The following ANTXR2 variants were observed in gnomAD, a reference collection of about 807,000 sequenced individuals.
ANTXR2 encodes the protein anthrax toxin receptor 2.
Under a neutral mutation model 73.7 loss-of-function variants are expected in ANTXR2, and 44 were observed. The observed-to-expected ratio is 0.60, with a 90% CI of 0.47 to 0.77. The LOEUF is 0.77. Ranked by LOEUF, ANTXR2 falls within the 30% of genes least tolerant of loss-of-function variation. The pLI is 0.00. For missense variants in ANTXR2, 604 were observed against 592.5 expected, an observed-to-expected ratio of 1.02 and a Z score of -0.20; for synonymous variants, 217 against 205.9, an observed-to-expected ratio of 1.05 and a Z score of -0.46.
chr4:79,930,694 T>G (rs1199450429), intron 16 of ANTXR2, among the ~76,000 whole-genome samples: 2 of 152,160 alleles, frequency 1.3e-5, no homozygotes, highest in East Asian at 3.9e-4. Context: ...CCCACTAACG[T>G]GTAGTACCCA....
intron 16 of ANTXR2, among the ~76,000 whole-genome samples, chr4:79,948,120 T>C (rs1728579851): frequency 6.6e-6 from 1 of 152,146 alleles, no homozygotes; most frequent in African/African-American, 2.4e-5. Context: ...ATGAGTACAT[T>C]AGGACTGAGT....
intron 7 of ANTXR2, among the ~76,000 whole-genome samples, chr4:80,036,403 C>A (rs1202631291): frequency 6.6e-6 from 1 of 152,002 alleles, no homozygotes; most frequent in Admixed American, 6.6e-5. Flanking sequence ...CAAATCAGAC[C>A]CCCTGTTTAG....
intron 14 of ANTXR2, 142 bp from the exon 15 acceptor site, chr4:79,978,316 T>G: frequency 4.5e-6 from 3 of 672,026 alleles, no homozygotes; most frequent in Non-Finnish European, 6.6e-6. Flanking sequence ...TTTCTCCTCT[T>G]CAGAGGCTAA....
At chr4:80,024,842 AG>A (rs1732350731) in intron 10 of ANTXR2, 1 of 288,238 alleles carries the variant, frequency 3.5e-6, no homozygotes, top group Non-Finnish European at 7.0e-6. Context: ...AGAAACAGCT[AG>A]GGTGAGAATA....
chr4:80,063,535 C>T (rs1194736825), intron 3 of ANTXR2, among the ~76,000 whole-genome samples: 3 of 151,952 alleles, frequency 2.0e-5, no homozygotes, highest in Non-Finnish European at 4.4e-5. Flanking sequence ...AATATCATGC[C>T]TAAGACAGTG....
intron 16 of ANTXR2, among the ~76,000 whole-genome samples, chr4:79,929,170 G>A (rs562930830): frequency 6.6e-6 from 1 of 152,104 alleles, no homozygotes; most frequent in South Asian, 2.1e-4. Flanking sequence ...CCACTACTGG[G>A]CTCACAGACT....
chr4:80,008,502 G>T lies in ANTXR2; in HGVS notation c.1041+19C>A. On this transcript the variant is annotated intron_variant, in intron 12 of 16. Transcript: ENST00000403729. ...TTTCTAATTTTTTTTAAGTAGAGTT[G>T]TAAATCCTTCTTACTCACCACTTTG... 6.4e-7 allele frequency: 1 copy of T among 1,573,816 alleles called. No homozygotes were observed. Among genetic ancestry groups the T allele is most frequent in the Non-Finnish European group, 8.7e-7 (1 of 1,150,510 alleles).
chr4:79,955,663 A>C (rs890006800), intron 16 of ANTXR2, among the ~76,000 whole-genome samples: 2 of 152,150 alleles, frequency 1.3e-5, no homozygotes, highest in African/African-American at 4.8e-5. Flanking sequence ...TTAAAAAAAC[A>C]AGACTGCTAG....
chr4:80,012,767 G>C (rs1352879904), intron 11 of ANTXR2, among the ~76,000 whole-genome samples: 1 of 152,144 alleles, frequency 6.6e-6, no homozygotes, highest in Admixed American at 6.5e-5. Flanking sequence ...GGACAGTAAG[G>C]ACTGAAACCA....
rs1726732702 is a variant in ANTXR2 at position 79,902,168 on chromosome 4, C to CTATGAA, written c.*5260_*5261insTTCATA. 1.6e-4 allele frequency: 24 copies of CTATGAA among 152,246 alleles called. No individual in the cohort carries two copies. Among genetic ancestry groups the CTATGAA allele is most frequent in the Non-Finnish European group, 3.1e-4 (21 of 68,006 alleles). 9.4% of individuals were successfully genotyped at this position (152,246 alleles called of 1,614,324 possible). On this transcript the variant is annotated 3_prime_UTR_variant, in exon 17 of 17. Coordinates refer to ENST00000403729, the MANE Select transcript of ANTXR2 (RefSeq NM_058172.6). The stretch of plus-strand genomic sequence containing the variant: ...CATTTACAATGTTGTAAATATAATT[C>CTATGAA]ATCTAAGATACAAATAACTTCATGG...
intron 16 of ANTXR2, among the ~76,000 whole-genome samples, chr4:79,925,057 T>C (rs1017945782): frequency 6.6e-6 from 1 of 152,150 alleles, no homozygotes; most frequent in African/African-American, 2.4e-5. Context: ...TCTAAATATG[T>C]ATCATTGTAT....
intron 16 of ANTXR2, among the ~76,000 whole-genome samples, chr4:79,931,832 T>G (rs1728070062): frequency 6.6e-6 from 1 of 152,222 alleles, no homozygotes; most frequent in African/African-American, 2.4e-5. Flanking sequence ...ATACTAAATG[T>G]GGATAATTTA....
intron 10 of ANTXR2, among the ~76,000 whole-genome samples, chr4:80,020,429 A>G (rs1732103382): frequency 6.6e-6 from 1 of 152,132 alleles, no homozygotes; most frequent in African/African-American, 2.4e-5. Context: ...TCCCAGAAAC[A>G]ATCTCAAGCT....
intron 16 of ANTXR2, among the ~76,000 whole-genome samples, chr4:79,963,671 AATG>A (rs1419653925): frequency 2.6e-5 from 4 of 152,126 alleles, no homozygotes; most frequent in South Asian, 2.1e-4. Flanking sequence ...AAATTTTACG[AATG>A]ATAATATTTT....
chr4:79,944,676 T>C (rs955105864), intron 16 of ANTXR2, among the ~76,000 whole-genome samples: 2 of 152,118 alleles, frequency 1.3e-5, no homozygotes, highest in Admixed American at 6.6e-5. Context: ...TTGGTACACA[T>C]ATATTTGTGA....
At chr4:80,047,297 A>C (rs1733563629) in intron 7 of ANTXR2, among the ~76,000 whole-genome samples, 1 of 151,526 alleles carries the variant, frequency 6.6e-6, no homozygotes, top group Non-Finnish European at 1.5e-5. Context: ...AAGATCAGTT[A>C]ATAAAATGAA....
chr4:80,054,295 C>G lies in ANTXR2; in HGVS notation c.613G>C (p.Ala205Pro), dbSNP rs781512521. Residue 205 changes from alanine to proline, a missense_variant, in exon 7 of 17, where the codon GCT (alanine) becomes CCT (proline). Coordinates refer to ENST00000403729, the MANE Select transcript of ANTXR2 (RefSeq NM_058172.6). ...QVFPVKGGFQ[A>P]LKGIINSILA... is the part of the protein sequence containing the mutation. ...ACAGAATTAATTATTCCTTTAAGAG[C>G]CTGAAATCCACCTTTGACAGGGAAA... 3.1e-6 allele frequency: 5 copies of G among 1,598,306 alleles called. No homozygotes were observed. The highest frequency in any genetic ancestry group is 4.3e-6 in the Non-Finnish European group (5 of 1,172,308).
intron 8 of ANTXR2, 26 bp downstream of exon 8, chr4:80,035,946 G>A (rs1732935372): frequency 6.7e-7 from 1 of 1,499,884 alleles, no homozygotes; most frequent in Admixed American, 2.2e-5. Context: ...TTTCTTACAT[G>A]GTATTTTTAA....
intron 16 of ANTXR2, among the ~76,000 whole-genome samples, chr4:79,952,613 C>A (rs922108561): frequency 6.6e-5 from 10 of 151,930 alleles, no homozygotes; most frequent in Non-Finnish European, 1.0e-4. Flanking sequence ...TGTAATCTTA[C>A]AGAGAATATG....
Sources: allele counts gnomAD v4.1 joint callset (sites outside exome capture counted in the v4.1 genomes callset), GRCh38; gene constraint gnomAD v4.1.1; transcripts MANE v1.5; gene names NCBI Gene and HGNC (gene_info 2026-07-23, HGNC 2026-07-21).